Variants in TTC3 observed in about 807,000 individuals in gnomAD.
TTC3 encodes the protein E3 ubiquitin-protein ligase TTC3.
A neutral mutation model predicts 249.6 loss-of-function variants in TTC3; 180 were observed. The observed-to-expected ratio is 0.72, with a 90% confidence interval of 0.64 to 0.82. The LOEUF is 0.82. Among genes scored for constraint, TTC3 ranks in the 40% least tolerant of loss-of-function variants. The pLI is 0.00. For synonymous variants in TTC3, 717 were observed against 805.0 expected, an observed-to-expected ratio of 0.89 and a Z score of 1.85; for missense variants, 2,061 against 2,398.4, an observed-to-expected ratio of 0.86 and a Z score of 2.94.
At chr21:37,156,038 G>GT (rs1555896900) in intron 27 of TTC3, among the ~76,000 whole-genome samples, 2 of 107,742 alleles carry the variant, frequency 1.9e-5, no homozygotes, top group African/African-American at 7.8e-5. Flanking sequence ...CATTGTTTGG[G>GT]TTTGTTTTTT....
At chr21:37,135,729 A>G (rs1356614905) in intron 18 of TTC3, among the ~76,000 whole-genome samples, 2 of 152,164 alleles carry the variant, frequency 1.3e-5, no homozygotes, top group African/African-American at 2.4e-5. Context: ...CTCCTTGACT[A>G]TAGTTTAGGG....
At chr21:37,171,997 T>C (rs1488961953) in intron 34 of TTC3, among the ~76,000 whole-genome samples, 1 of 152,246 alleles carries the variant, frequency 6.6e-6, no homozygotes, top group East Asian at 1.9e-4. Flanking sequence ...CAGAGTTATA[T>C]GCAGTTTGAA....
intron 10 of TTC3, among the ~76,000 whole-genome samples, chr21:37,103,934 A>G (rs1459206109): frequency 6.6e-6 from 1 of 152,156 alleles, no homozygotes; most frequent in East Asian, 1.9e-4. Context: ...CTGAGGAGAG[A>G]GAGCATGATT....
intron 38 of TTC3, 21 bp from the exon 39 acceptor site, chr21:37,188,474 T>C: frequency 1.3e-6 from 2 of 1,590,354 alleles, no homozygotes; most frequent in Non-Finnish European, 1.7e-6. Flanking sequence ...AATACTCATA[T>C]GTCTTCTGAT....
chr21:37,108,414 A>G (rs1302586289), exon 11 of TTC3: 1 of 1,612,006 alleles, frequency 6.2e-7, no homozygotes, highest in Non-Finnish European at 8.5e-7. Flanking sequence ...TGATGGAAAG[A>G]GAGCCACTAT....
chr21:37,176,493 A>G (rs1255563956), intron 35 of TTC3, among the ~76,000 whole-genome samples: 2 of 152,194 alleles, frequency 1.3e-5, no homozygotes, highest in Non-Finnish European at 2.9e-5. Context: ...TACAGGGTAG[A>G]ATTTTGGACC....
At chr21:37,175,235 G>A (rs564883418) in intron 35 of TTC3, among the ~76,000 whole-genome samples, 13 of 127,008 alleles carry the variant, frequency 1.0e-4, no homozygotes, top group African/African-American at 3.4e-4. Context: ...CTGCACTCCC[G>A]CCTGGACAAC....
chr21:37,116,201 T>C (rs2076129411), intron 11 of TTC3, among the ~76,000 whole-genome samples: 1 of 152,230 alleles, frequency 6.6e-6, no homozygotes, highest in African/African-American at 2.4e-5. Context: ...AATCAAATAG[T>C]AGATTGCAGT....
intron 31 of TTC3, among the ~76,000 whole-genome samples, chr21:37,162,703 G>A (rs2080877622): frequency 6.6e-6 from 1 of 151,584 alleles, no homozygotes; most frequent in Non-Finnish European, 1.5e-5. Flanking sequence ...TAGGGTAATT[G>A]TTTTAAGTTA....
chr21:37,145,267 C>A (rs1038714353), intron 21 of TTC3, among the ~76,000 whole-genome samples: 2 of 152,148 alleles, frequency 1.3e-5, no homozygotes, highest in Non-Finnish European at 2.9e-5. Context: ...TTTAAAATCA[C>A]AGAAGTCAAC....
intron 21 of TTC3, among the ~76,000 whole-genome samples, chr21:37,146,336 CT>C (rs907548626): frequency 1.3e-5 from 2 of 152,090 alleles, no homozygotes; most frequent in African/African-American, 4.8e-5. Flanking sequence ...CAAGACCAGC[CT>C]GGGCAACATG....
chr21:37,178,006 A>G (rs546232442), intron 35 of TTC3, among the ~76,000 whole-genome samples: 16 of 152,126 alleles, frequency 1.1e-4, no homozygotes, highest in Non-Finnish European at 2.2e-4. Flanking sequence ...CTTGGCAACC[A>G]CTGATTTACT....
chr21:37,141,412 T>TTC (rs550442889), intron 20 of TTC3, among the ~76,000 whole-genome samples: 2 of 150,536 alleles, frequency 1.3e-5, no homozygotes, highest in Admixed American at 6.6e-5. Flanking sequence ...TTTTGGGGAA[T>TTC]CCCCCCCCCA....
At position 37,189,983 on chromosome 21, in the gene TTC3, C is replaced by T. The variant is rs73395173; in HGVS notation, c.5025-1351C>T. Among the ~76,000 whole-genome samples the T allele has an allele frequency of 5.4e-3, 821 of 152,232 alleles. 9 individuals are homozygous for T. Among genetic ancestry groups the T allele is most frequent in the African/African-American group, 0.019 (774 of 41,528 alleles). On this transcript the variant is annotated intron_variant, in intron 39 of 45. Transcript: ENST00000355666. ...ATTACTTTTCATTGAGTCCTTTTAC[C>T]ATGTTCTATACACAGATTTTGTGTT...
intron 15 of TTC3, among the ~76,000 whole-genome samples, chr21:37,128,167 C>T (rs2077180795): frequency 2.0e-5 from 3 of 152,198 alleles, no homozygotes; most frequent in African/African-American, 7.2e-5. Context: ...GGCTCTCATT[C>T]CCTCCTTATT....
chr21:37,074,166 G>C (rs560975115), intron 1 of TTC3, among the ~76,000 whole-genome samples: 2,208 of 152,354 alleles, frequency 0.014, 125 homozygotes, highest in Admixed American at 0.11. Context: ...ACCCAGGAGG[G>C]GGGTAACCTC....
At chr21:37,192,346 G>T in intron 41 of TTC3, 133 bp downstream of exon 41, 1 of 583,348 alleles carries the variant, frequency 1.7e-6, no homozygotes, top group Non-Finnish European at 3.0e-6. Flanking sequence ...TTCATTATTG[G>T]TGCTACTGAT....
At chr21:37,092,104 G>A (rs910433246) in intron 7 of TTC3, among the ~76,000 whole-genome samples, 6 of 152,110 alleles carry the variant, frequency 3.9e-5, no homozygotes, top group African/African-American at 1.4e-4. Context: ...TATGTATGAG[G>A]TAACTGCCTT....
chr21:37,200,242 C>A, exon 45 of TTC3: 1 of 1,614,166 alleles, frequency 6.2e-7, no homozygotes, highest in Non-Finnish European at 8.5e-7. Context: ...GCACTGGGTG[C>A]AAGTTCCTGT....
Sources: allele counts gnomAD v4.1 joint callset (sites outside exome capture counted in the v4.1 genomes callset), GRCh38; gene constraint gnomAD v4.1.1; transcripts MANE v1.5; gene names NCBI Gene and HGNC (gene_info 2026-07-23, HGNC 2026-07-21).